ZFHX3: variants seen among roughly 807,000 people sequenced by gnomAD.
ZFHX3 encodes zinc finger homeobox protein 3.
Under a neutral mutation model 279.1 loss-of-function variants are expected in ZFHX3, and 42 were observed. That is an observed-to-expected ratio of 0.15 (90% confidence interval 0.12 to 0.19). The LOEUF (loss-of-function observed/expected upper bound fraction) is 0.19. Ranked by LOEUF, ZFHX3 falls within the 10% of genes least tolerant of loss-of-function variation. The pLI, the probability that ZFHX3 is intolerant of heterozygous loss-of-function variation, is 1.00. For synonymous variants in ZFHX3, 2,293 were observed against 1,957.8 expected, an observed-to-expected ratio of 1.17 and a Z score of -4.52; for missense variants, 4,981 against 4,754.0, an observed-to-expected ratio of 1.05 and a Z score of -1.40.
At chr16:73,805,644 T>G (rs1050471689) in intron 1 of ZFHX3, among the ~76,000 whole-genome samples, 1 of 152,350 alleles carries the variant, frequency 6.6e-6, no homozygotes, top group East Asian at 1.9e-4. Context: ...ACAAACATGT[T>G]AAGCACCAAT....
intron 3 of ZFHX3, among the ~76,000 whole-genome samples, chr16:72,908,789 G>A (rs562856714): frequency 3.9e-5 from 6 of 152,308 alleles, no homozygotes; most frequent in African/African-American, 1.4e-4. Flanking sequence ...GCATCATCAT[G>A]AGGAACGATG....
chr16:73,208,154 A>T (rs545072916), intron 5 of ZFHX3, among the ~76,000 whole-genome samples: 161 of 152,322 alleles, frequency 1.1e-3, no homozygotes, highest in African/African-American at 3.6e-3. Flanking sequence ...AAAAAGATTT[A>T]TGTCTGCCCC....
chr16:72,901,944 G>A (rs1076158), intron 3 of ZFHX3, among the ~76,000 whole-genome samples: 41,758 of 151,998 alleles, frequency 0.27, 6,512 homozygotes, highest in East Asian at 0.65. Context: ...ATTAAAAGCC[G>A]ATATTGTTCC....
At chr16:73,088,964 C>T (rs1417494324) in intron 8 of ZFHX3, among the ~76,000 whole-genome samples, 3 of 152,108 alleles carry the variant, frequency 2.0e-5, no homozygotes, top group Admixed American at 6.6e-5. Flanking sequence ...AGGCACAGCT[C>T]GTTGAAGGCC....
At chr16:72,957,297 C>T (rs868639880) in intron 2 of ZFHX3, 130 bp downstream of exon 2, 1 of 1,071,330 alleles carries the variant, frequency 9.3e-7, no homozygotes, top group Middle Eastern at 2.5e-4. Context: ...TTGTAAGACA[C>T]TCCAGTTTAC....
chr16:73,280,592 A>T lies in ZFHX3; in HGVS notation c.-1193-23456T>A, dbSNP rs189112985. Among the ~76,000 whole-genome samples, 1,095 of 152,044 alleles carry T rather than the reference A, an allele frequency of 7.2e-3. 11 individuals carry two copies. The highest frequency in any genetic ancestry group is 0.024 in the African/African-American group (986 of 41,452). ...TGCTAGTTAGTATGACTCATATTTT[A>T]AAAAAAAGGCAAGTGTTGGTGATGA... is the stretch of plus-strand genomic sequence containing the variant. On this transcript the variant is annotated intron_variant, in intron 4 of 17. Coordinates refer to the ZFHX3 transcript ENST00000641206.
chr16:73,787,824 T>G lies in ZFHX3; in HGVS notation c.-1608+103827A>C, dbSNP rs962782430. 8.9e-5 allele frequency among the ~76,000 whole-genome samples: 13 copies of G among 145,858 alleles called. No homozygotes were observed. In the South Asian group the frequency reaches 2.2e-3, roughly 24 times the overall value. On this transcript the variant is annotated intron_variant, in intron 1 of 17. Coordinates refer to the ZFHX3 transcript ENST00000641206. ...TCACTGTTTTCTTAAAGTGTGTGTG[T>G]GTGTGTGTGTGTGTGTGTGTGTGTG...
chr16:73,423,639 A>G (rs2017758639), intron 3 of ZFHX3, among the ~76,000 whole-genome samples: 1 of 152,320 alleles, frequency 6.6e-6, no homozygotes, highest in East Asian at 1.9e-4. Flanking sequence ...AGGCAGGTAG[A>G]TCACCTAAGG....
chr16:73,646,495 G>A (rs2052619450), intron 2 of ZFHX3, among the ~76,000 whole-genome samples: 2 of 152,008 alleles, frequency 1.3e-5, no homozygotes, highest in Admixed American at 6.6e-5. Context: ...AGAGAAAGCA[G>A]ATTGATGAAA....
chr16:72,901,069 T>C (rs1020197744), intron 3 of ZFHX3, among the ~76,000 whole-genome samples: 5 of 152,214 alleles, frequency 3.3e-5, no homozygotes, highest in African/African-American at 1.2e-4. Context: ...CTGCTCCAGA[T>C]ACTTCATAAA....
chr16:73,342,597 A>G (rs952459494), intron 3 of ZFHX3, among the ~76,000 whole-genome samples: 2 of 152,164 alleles, frequency 1.3e-5, no homozygotes, highest in Non-Finnish European at 2.9e-5. Flanking sequence ...TCTATTTTTT[A>G]TAAGAAAGAA....
At chr16:73,382,559 G>GT (rs2016834085) in intron 3 of ZFHX3, among the ~76,000 whole-genome samples, 2 of 152,178 alleles carry the variant, frequency 1.3e-5, no homozygotes, top group African/African-American at 4.8e-5. Flanking sequence ...GGAATGGATT[G>GT]TGGGGGGGCA....
intron 5 of ZFHX3, among the ~76,000 whole-genome samples, chr16:73,231,103 A>G (rs1364269678): frequency 6.6e-6 from 1 of 152,154 alleles, no homozygotes; most frequent in Admixed American, 6.5e-5. Flanking sequence ...CAAGACTGGG[A>G]GCGGGGACCA....
At chr16:73,429,577 C>T (rs984717704) in intron 3 of ZFHX3, among the ~76,000 whole-genome samples, 7 of 152,126 alleles carry the variant, frequency 4.6e-5, no homozygotes, top group Non-Finnish European at 1.0e-4. Flanking sequence ...AAGTGATTCG[C>T]CTGTCCTGGC....
intron 1 of ZFHX3, among the ~76,000 whole-genome samples, chr16:73,787,117 G>A (rs989397478): frequency 1.3e-5 from 2 of 152,144 alleles, no homozygotes; most frequent in South Asian, 2.1e-4. Flanking sequence ...TAAGGCTTTG[G>A]GAGAGGGTAA....
At chr16:73,116,908 G>A (rs1239180803) in intron 7 of ZFHX3, among the ~76,000 whole-genome samples, 5 of 152,156 alleles carry the variant, frequency 3.3e-5, no homozygotes, top group African/African-American at 7.2e-5. Flanking sequence ...GCTGTCTCCC[G>A]GCTTGTTCTG....
At chr16:73,858,739 G>C (rs917843156) in intron 1 of ZFHX3, among the ~76,000 whole-genome samples, 1 of 152,234 alleles carries the variant, frequency 6.6e-6, no homozygotes, top group African/African-American at 2.4e-5. Flanking sequence ...AATGGAAGGT[G>C]ATCACAGTGC....
At chr16:72,884,128 G>C (rs1037567853) in intron 4 of ZFHX3, among the ~76,000 whole-genome samples, 1 of 152,038 alleles carries the variant, frequency 6.6e-6, no homozygotes, top group African/African-American at 2.4e-5. Context: ...ATATATTCTT[G>C]GTCTCTTAAC....
intron 1 of ZFHX3, among the ~76,000 whole-genome samples, chr16:72,978,637 A>G (rs553418890): frequency 6.6e-6 from 1 of 152,190 alleles, no homozygotes; most frequent in South Asian, 2.1e-4. Flanking sequence ...CGGGGGTGGG[A>G]GACATCGTTG....
Sources: allele counts gnomAD v4.1 joint callset (sites outside exome capture counted in the v4.1 genomes callset), GRCh38; gene constraint gnomAD v4.1.1; transcripts MANE v1.5; gene names NCBI Gene and HGNC (gene_info 2026-07-23, HGNC 2026-07-21).